MROH1: variants seen among roughly 807,000 people sequenced by gnomAD.
MROH1 encodes maestro heat-like repeat-containing protein family member 1.
In MROH1, 117 loss-of-function variants were observed where a neutral mutation model predicts 116.5. The ratio of observed to expected loss-of-function variants is 1.00; its 90% CI spans 0.86 to 1.17. The LOEUF (loss-of-function observed/expected upper bound fraction) is 1.17. MROH1 is among the 50% of genes most tolerant of loss of function. The pLI is 0.00. For synonymous variants in MROH1, 921 were observed against 583.9 expected, an observed-to-expected ratio of 1.58 and a Z score of -8.32; for missense variants, 1,873 against 1,338.5, an observed-to-expected ratio of 1.40 and a Z score of -6.23.
At chr8:144,171,835 C>G (rs957160048) in intron 4 of MROH1, among the ~76,000 whole-genome samples, 1 of 152,208 alleles carries the variant, frequency 6.6e-6, no homozygotes, top group African/African-American at 2.4e-5. Context: ...CTGTTCATGT[C>G]TGCCTAGTGG....
chr8:144,207,779 T>C (rs1198559947), intron 12 of MROH1, among the ~76,000 whole-genome samples: 1 of 152,228 alleles, frequency 6.6e-6, no homozygotes, highest in East Asian at 1.9e-4. Context: ...TTAGTACCTT[T>C]ATGTCTAAGA....
chr8:144,158,513 A>G (rs894209201), intron 1 of MROH1, among the ~76,000 whole-genome samples: 198 of 152,344 alleles, frequency 1.3e-3, no homozygotes, highest in African/African-American at 4.6e-3. Context: ...CTAAAAAGAC[A>G]TTTAGTGCTA....
intron 43 of MROH1, 58 bp from the exon 44 acceptor site, chr8:144,261,597 G>A (rs892356033): frequency 2.0e-5 from 14 of 700,980 alleles, no homozygotes; most frequent in Middle Eastern, 3.5e-4. Flanking sequence ...TGGCCCACGC[G>A]CAGGCATGGG....
intron 4 of MROH1, among the ~76,000 whole-genome samples, chr8:144,172,560 T>A (rs1284958883): frequency 2.6e-5 from 4 of 152,006 alleles, no homozygotes; most frequent in African/African-American, 9.7e-5. Flanking sequence ...TACAGACGCG[T>A]GCCACCACAC....
At chr8:144,183,324 T>C (rs549309040) in intron 7 of MROH1, among the ~76,000 whole-genome samples, 3 of 147,570 alleles carry the variant, frequency 2.0e-5, no homozygotes, top group African/African-American at 7.6e-5. Flanking sequence ...GAGGCTGCAG[T>C]GAACCAAGAT....
intron 14 of MROH1, among the ~76,000 whole-genome samples, chr8:144,230,591 G>A (rs920390727): frequency 1.3e-5 from 2 of 150,992 alleles, no homozygotes; most frequent in Non-Finnish European, 2.9e-5. Context: ...GTTCATCTTG[G>A]CTTATAATTT....
chr8:144,168,201 G>A, intron 3 of MROH1, 94 bp from the exon 4 acceptor site: 1 of 1,355,594 alleles, frequency 7.4e-7, no homozygotes, highest in Non-Finnish European at 9.8e-7. Flanking sequence ...GATCCTCAGA[G>A]GCTGCAGGTG....
intron 15 of MROH1, 61 bp downstream of exon 15, chr8:144,238,924 G>C: frequency 1.3e-6 from 1 of 768,532 alleles, no homozygotes; most frequent in Non-Finnish European, 2.4e-6. Flanking sequence ...CAGTGGCCCA[G>C]GGTGCTCAGG....
At chr8:144,204,709 TTA>T (rs1450559226) in intron 12 of MROH1, among the ~76,000 whole-genome samples, 12 of 152,200 alleles carry the variant, frequency 7.9e-5, no homozygotes, top group Non-Finnish European at 1.8e-4. Flanking sequence ...TTGGTGAAAT[TTA>T]TACATATAGT....
At chr8:144,245,318 T>C in intron 29 of MROH1, 58 bp downstream of exon 29, 1 of 765,978 alleles carries the variant, frequency 1.3e-6, no homozygotes, top group Non-Finnish European at 2.4e-6. Context: ...TGACCCAGAG[T>C]GTGAGCTGCC....
chr8:144,200,681 C>T (rs577605318), intron 12 of MROH1, 140 bp downstream of exon 12: 2 of 694,324 alleles, frequency 2.9e-6, no homozygotes, highest in East Asian at 5.5e-5. Context: ...TACTATTTTG[C>T]AAAATTCTAA....
intron 14 of MROH1, among the ~76,000 whole-genome samples, chr8:144,235,842 C>T (rs943200638): frequency 4.6e-5 from 7 of 152,220 alleles, no homozygotes; most frequent in Admixed American, 3.9e-4. Context: ...TAGGTACATA[C>T]ATGCACAATT....
In MROH1 at chr8:144,180,169, T is replaced by G; in HGVS notation, c.301-9T>G. 1 of 1,613,556 alleles carries G rather than the reference T, an allele frequency of 6.2e-7. No homozygotes were observed. On this transcript the variant is annotated splice_polypyrimidine_tract_variant and intron_variant, in intron 5 of 43. Coordinates refer to ENST00000326134, the MANE Select transcript of MROH1 (RefSeq NM_032450.3). This position sits in a 1 kb window ranked among gnomAD's most constrained non-coding sequence, Gnocchi z 7.4. ...CCTTTTGGTCTACCTGCCGGTGTTT[T>G]GGGTTCAGGACCTGGTCTGGGACTG...
intron 4 of MROH1, among the ~76,000 whole-genome samples, chr8:144,176,920 G>T: frequency 6.6e-6 from 1 of 152,144 alleles, no homozygotes; most frequent in Non-Finnish European, 1.5e-5. Flanking sequence ...ATGTGTAGCC[G>T]GTGGGTGGAG....
rs892453435 is a variant in MROH1 at position 144,170,054 on chromosome 8, A to C, written c.168+1614A>C. Among the ~76,000 whole-genome samples, 8 of 152,286 alleles carry C rather than the reference A, an allele frequency of 5.3e-5. No individual in the cohort carries two copies. In the South Asian group the frequency reaches 1.7e-3, roughly 32 times the overall value. On this transcript the variant is annotated intron_variant, in intron 4 of 43. Transcript: ENST00000326134. ...CACCATGTTGCCCATGTTGGTCTCG[A>C]ACTCCTGACCTCAAGTGATCTGCCA...
chr8:144,222,120 C>G (rs1212517155), intron 13 of MROH1, among the ~76,000 whole-genome samples: 1 of 137,472 alleles, frequency 7.3e-6, no homozygotes, highest in Non-Finnish European at 1.7e-5. Flanking sequence ...ACGAGAGAAG[C>G]TAGCTCAGAA....
At chr8:144,198,096 G>A (rs1830353665) in intron 10 of MROH1, among the ~76,000 whole-genome samples, 1 of 152,040 alleles carries the variant, frequency 6.6e-6, no homozygotes, top group Non-Finnish European at 1.5e-5. Flanking sequence ...GAGCTACCTG[G>A]GAACGTAGAG....
chr8:144,242,713 CG>C (rs1841217165), intron 24 of MROH1, 85 bp downstream of exon 24: 1 of 729,396 alleles, frequency 1.4e-6, no homozygotes. Context: ...AGGCAGAGGC[CG>C]GAGGGGGAGC....
chr8:144,158,115 C>T (rs958483351), intron 1 of MROH1, among the ~76,000 whole-genome samples: 8 of 151,198 alleles, frequency 5.3e-5, no homozygotes, highest in Admixed American at 5.3e-4. Context: ...GTCTCAGCCT[C>T]CCAAGTAGCT....
Sources: gnomAD v4.1 joint callset for allele counts (sites outside exome capture counted in the v4.1 genomes callset) on GRCh38, gnomAD v4.1.1 for gene constraint, Gnocchi (gnomAD v3.1) non-coding constraint, MANE v1.5 for transcripts, NCBI Gene and HGNC (gene_info 2026-07-23, HGNC 2026-07-21) for gene names.